Variants in DLG1 observed in about 807,000 individuals in gnomAD.
DLG1 encodes disks large homolog 1.
DLG1 carries 42 observed loss-of-function variants against 123.4 expected under a neutral mutation model. The observed-to-expected ratio is 0.34, with a 90% CI of 0.27 to 0.44. DLG1 has a LOEUF of 0.44. Among genes scored for constraint, DLG1 ranks in the 20% least tolerant of loss-of-function variants. DLG1 has a pLI of 1.00. For synonymous variants in DLG1, 317 were observed against 356.2 expected (o/e 0.89, Z 1.24); for missense variants, 942 against 1,082.6 (o/e 0.87, Z 1.82).
chr3:197,090,684 TATC>T (rs993504536), intron 15 of DLG1, among the ~76,000 whole-genome samples: 5 of 152,216 alleles, frequency 3.3e-5, no homozygotes, highest in African/African-American at 1.2e-4. Context: ...TCCTTTATTA[TATC>T]ATCATTATTC....
intron 4 of DLG1, among the ~76,000 whole-genome samples, chr3:197,234,866 C>T (rs572326334): frequency 7.2e-5 from 11 of 152,140 alleles, no homozygotes; most frequent in Non-Finnish European, 1.6e-4. Flanking sequence ...CAAAAAGTCA[C>T]GTCAAAAGTT....
chr3:197,242,545 G>A (rs1346500648), intron 4 of DLG1, among the ~76,000 whole-genome samples: 1 of 150,376 alleles, frequency 6.6e-6, no homozygotes, highest in Non-Finnish European at 1.5e-5. Flanking sequence ...TAGGCCATGA[G>A]TCTGAACAAA....
intron 4 of DLG1, among the ~76,000 whole-genome samples, chr3:197,215,417 G>C (rs931287741): frequency 6.6e-6 from 1 of 152,034 alleles, no homozygotes; most frequent in Non-Finnish European, 1.5e-5. Context: ...AATGTGAAAA[G>C]ATTTAATATA....
In DLG1 at chr3:197,167,336, G is replaced by C. The variant is rs1036349585; in HGVS notation, c.484-17540C>G. On this transcript the variant is annotated intron_variant, in intron 5 of 24. Transcript: ENST00000667157. ...GAATATTAAAACTTCCTGTTGCCAA[G>C]TGAAACGTCCATTCCAGTGGATGAA... 2.0e-5 allele frequency among the ~76,000 whole-genome samples: 3 copies of C among 152,158 alleles called. No individual in the cohort carries two copies. In the South Asian group the frequency reaches 6.2e-4, roughly 32 times the overall value.
chr3:197,220,974 ACTG>A (rs1385820763), intron 4 of DLG1, among the ~76,000 whole-genome samples: 2 of 152,188 alleles, frequency 1.3e-5, no homozygotes, highest in Non-Finnish European at 2.9e-5. Flanking sequence ...TAACAAGCAA[ACTG>A]CTATTGATCA....
intron 4 of DLG1, among the ~76,000 whole-genome samples, chr3:197,197,714 A>G (rs1257528236): frequency 6.6e-6 from 1 of 152,220 alleles, no homozygotes; most frequent in South Asian, 2.1e-4. Flanking sequence ...AATGAACAAC[A>G]AAGTACAGGG....
intron 4 of DLG1, among the ~76,000 whole-genome samples, chr3:197,252,792 T>G (rs1755082779): frequency 6.6e-6 from 1 of 152,210 alleles, no homozygotes; most frequent in African/African-American, 2.4e-5. Flanking sequence ...ATAGTGGTAG[T>G]GGCTGCATCT....
chr3:197,204,218 C>T (rs565027347), intron 4 of DLG1, among the ~76,000 whole-genome samples: 1 of 152,282 alleles, frequency 6.6e-6, no homozygotes, highest in South Asian at 2.1e-4. Context: ...AATGAGCTAA[C>T]CACAATACAG....
intron 6 of DLG1, among the ~76,000 whole-genome samples, chr3:197,144,352 A>T (rs2149692074): frequency 6.6e-6 from 1 of 152,296 alleles, no homozygotes; most frequent in South Asian, 2.1e-4. Context: ...CAGAGAACCA[A>T]AACCCTTGGC....
At chr3:197,108,572 A>G (rs182017018) in intron 13 of DLG1, among the ~76,000 whole-genome samples, 1,999 of 136,314 alleles carry the variant, frequency 0.015, 146 homozygotes, top group Admixed American at 0.13. Context: ...TAACTATAAA[A>G]TATATACCAT....
chr3:197,077,935 G>GTC (rs1748356461), intron 17 of DLG1, among the ~76,000 whole-genome samples: 1 of 151,982 alleles, frequency 6.6e-6, no homozygotes, highest in Admixed American at 6.6e-5. Flanking sequence ...TTAAGATGCT[G>GTC]TATTATTCAT....
At chr3:197,166,511 G>C (rs891191457) in intron 5 of DLG1, among the ~76,000 whole-genome samples, 3 of 152,128 alleles carry the variant, frequency 2.0e-5, no homozygotes, top group Admixed American at 2.0e-4. Flanking sequence ...TAACTATGAG[G>C]ACCTGGATGC....
intron 15 of DLG1, among the ~76,000 whole-genome samples, chr3:197,089,543 ACAG>A (rs534638764): frequency 3.7e-4 from 56 of 151,240 alleles, no homozygotes; most frequent in African/African-American, 1.4e-3. Context: ...AAAAAAAAAA[ACAG>A]AAAGAAAATA....
chr3:197,236,469 A>G (rs1454405713), intron 4 of DLG1, among the ~76,000 whole-genome samples: 1 of 152,248 alleles, frequency 6.6e-6, no homozygotes, highest in Non-Finnish European at 1.5e-5. Flanking sequence ...AATAAAGACC[A>G]TCAAACACTG....
At chr3:197,066,028 T>TA (rs1339349024) in intron 20 of DLG1, among the ~76,000 whole-genome samples, 3 of 152,240 alleles carry the variant, frequency 2.0e-5, no homozygotes, top group Non-Finnish European at 2.9e-5. Context: ...GTCATATTGA[T>TA]AATTCAATCA....
At chr3:197,100,419 T>C (rs888268345) in intron 14 of DLG1, among the ~76,000 whole-genome samples, 1 of 152,218 alleles carries the variant, frequency 6.6e-6, no homozygotes, top group African/African-American at 2.4e-5. Context: ...AACAGTTTTT[T>C]TCTTGCGAAA....
At chr3:197,192,870 A>T (rs1179337752) in intron 5 of DLG1, among the ~76,000 whole-genome samples, 1 of 152,162 alleles carries the variant, frequency 6.6e-6, no homozygotes, top group Non-Finnish European at 1.5e-5. Flanking sequence ...AAGAGTCTGA[A>T]ATAAGTGATA....
chr3:197,182,832 TTTTC>T (rs1316811154), intron 5 of DLG1, among the ~76,000 whole-genome samples: 5 of 152,126 alleles, frequency 3.3e-5, no homozygotes, highest in Admixed American at 1.3e-4. Context: ...AATTATTAAT[TTTTC>T]TTTATTTTTC....
chr3:197,268,538 T>C (rs866287001), intron 4 of DLG1, among the ~76,000 whole-genome samples: 1 of 150,986 alleles, frequency 6.6e-6, no homozygotes, highest in Non-Finnish European at 1.5e-5. Context: ...TCCCACCTCA[T>C]CCTCCCACGT....
Sources: gnomAD v4.1 joint callset for allele counts (sites outside exome capture counted in the v4.1 genomes callset) on GRCh38, gnomAD v4.1.1 for gene constraint, MANE v1.5 for transcripts, NCBI Gene and HGNC (gene_info 2026-07-23, HGNC 2026-07-21) for gene names.